The following COMMD2 variants were observed in gnomAD, a reference collection of about 807,000 sequenced individuals.
The protein encoded by COMMD2 is COMM domain containing 2.
COMMD2 carries 25 observed loss-of-function variants against 22.5 expected under a neutral mutation model. The observed-to-expected ratio is 1.11, with a 90% CI of 0.81 to 1.55. The LOEUF is 1.55. Ranked by LOEUF, COMMD2 falls within the 40% of genes most tolerant of loss-of-function variation. The pLI, the probability that COMMD2 is intolerant of heterozygous loss-of-function variation, is 0.00. For missense variants in COMMD2, 223 were observed against 232.9 expected (o/e 0.96, Z 0.28); for synonymous variants, 98 against 91.2 (o/e 1.07, Z -0.42).
rs1716189796 is a variant in COMMD2 at position 149,740,792 on chromosome 3, T to C, written c.*729A>G. On this transcript the variant is annotated 3_prime_UTR_variant, in exon 5 of 5. Coordinates refer to ENST00000473414, the MANE Select transcript of COMMD2 (RefSeq NM_016094.4). The stretch of plus-strand genomic sequence containing the variant: ...TATTTTCAAATTTGATCAATAAAGA[T>C]GAAAATAATAAAATTAAGCAGTCAA... 6.6e-6 allele frequency: 1 copy of C among 152,294 alleles called. No homozygotes were observed. Among genetic ancestry groups the C allele is most frequent in the Non-Finnish European group, 1.5e-5 (1 of 67,996 alleles). 9.4% of individuals were successfully genotyped at this position (152,294 alleles called of 1,614,324 possible). A position where few individuals can be genotyped will look rare whatever the true frequency, so the allele number is the denominator to read the frequency against.
intron 2 of COMMD2, 63 bp downstream of exon 2, chr3:149,752,147 G>A: frequency 7.4e-7 from 1 of 1,347,906 alleles, no homozygotes; most frequent in African/African-American, 1.4e-5. Context: ...TCTCTCCCGG[G>A]AGACAGGGAA....
chr3:149,750,930 A>G (rs887723448), intron 3 of COMMD2, 79 bp from the exon 4 acceptor site: 4 of 906,690 alleles, frequency 4.4e-6, no homozygotes, highest in Non-Finnish European at 6.5e-6. Context: ...AAAGAATATG[A>G]TATCCTCTAA....
rs368625327 is a variant in COMMD2, at chr3:149,751,378, C to T, written c.228+25G>A. The T allele has an allele frequency of 3.7e-6, 6 of 1,613,824 alleles. No individual in the cohort carries two copies. In the African/African-American group the frequency reaches 8.0e-5, roughly 22 times the overall value. ...ACCGTTCTTAAGAATCCAGCCAACA[C>T]AAAACAGTCCAGAAAATCCCTTACC... is the stretch of plus-strand genomic sequence containing the variant. On this transcript the variant is annotated intron_variant, in intron 3 of 4. Transcript: ENST00000473414.
rs1421942175 is a variant in COMMD2 at position 149,750,861 on chromosome 3, T to C, written c.229-10A>G. On this transcript the variant is annotated splice_polypyrimidine_tract_variant and intron_variant, in intron 3 of 4. Transcript: ENST00000473414. ...AATCCAGTTCAGAAATCTAAGTGAATTGAGTTTAAAAGAACATCAAAATTT... is the reference window on the plus strand; with the variant it reads ...AATCCAGTTCAGAAATCTAAGTGAACTGAGTTTAAAAGAACATCAAAATTT... 3.9e-6 allele frequency: 6 copies of C among 1,538,470 alleles called. No individual in the cohort carries two copies. Among genetic ancestry groups the C allele is most frequent in the African/African-American group, 2.8e-5 (2 of 72,486 alleles).
Position 149,752,461 on chromosome 3 carries a change from T to C in COMMD2, c.-17A>G, listed in dbSNP as rs138597206. 4,428 of 1,608,924 alleles carry C rather than the reference T, an allele frequency of 2.8e-3. 47 individuals carry two copies. In the African/African-American group the frequency reaches 0.031, roughly 11 times the overall value. On this transcript the variant is annotated 5_prime_UTR_variant, in exon 1 of 5. Transcript: ENST00000473414. ...CAGCAGCATCTTCACTGTCCTACGA[T>C]TTCACCCGGCAGCGCCGACCCCGCC...
chr3:149,751,453 G>C lies in COMMD2; in HGVS notation c.178C>G (p.His60Asp). 1.2e-6 allele frequency: 2 copies of C among 1,610,448 alleles called. No homozygotes were observed. The highest frequency in any genetic ancestry group is 1.7e-6 in the Non-Finnish European group (2 of 1,179,144). Reference sequence around the variant, plus strand: ...AGATACGTTAATCCTTCCACACCATGCTGGACAGTGTCACTACTCACATTG... The same window carrying C: ...AGATACGTTAATCCTTCCACACCATCCTGGACAGTGTCACTACTCACATTG... ...KLNVSSDTVQ[H>D]GVEGLTYLLT... Residue 60 changes from histidine to aspartate, a missense_variant, in exon 3 of 5, where the codon CAT (histidine) becomes GAT (aspartate). Physicochemically the swap from His to Asp is moderately conservative, Grantham distance 81. Transcript: ENST00000473414.
chr3:149,749,397 C>T (rs1361920515), intron 4 of COMMD2, among the ~76,000 whole-genome samples: 1 of 152,196 alleles, frequency 6.6e-6, no homozygotes, highest in African/African-American at 2.4e-5. Context: ...ACATTACCTC[C>T]ATTTGAATCA....
intron 4 of COMMD2, among the ~76,000 whole-genome samples, chr3:149,746,774 T>G (rs955235343): frequency 2.0e-5 from 3 of 152,116 alleles, no homozygotes; most frequent in African/African-American, 7.2e-5. Flanking sequence ...ACAGCGAGAC[T>G]CTGTCTCAAA....
In COMMD2 at chr3:149,741,640, T is replaced by A. The variant is rs781583579; in HGVS notation, c.481A>T (p.Asn161Tyr). ...KLHLNQNGDH[N>Y]TKVLQTDPAT... ...GGGTCTGTCTGCAGAACTTTGGTGTTGTGATCTCCATTTTGATTAAGGTGT... is the reference window on the plus strand; with the variant it reads ...GGGTCTGTCTGCAGAACTTTGGTGTAGTGATCTCCATTTTGATTAAGGTGT... Residue 161 changes from asparagine to tyrosine, a missense_variant, in exon 5 of 5, where the codon AAC becomes TAC. Physicochemically the swap from Asn to Tyr is moderately radical, Grantham distance 143. Transcript: ENST00000473414. 5 of 1,614,028 alleles carry A rather than the reference T, an allele frequency of 3.1e-6. No individual in the cohort carries two copies. Among genetic ancestry groups the A allele is most frequent in the Non-Finnish European group, 4.2e-6 (5 of 1,179,980 alleles).
intron 4 of COMMD2, among the ~76,000 whole-genome samples, chr3:149,743,063 T>C (rs577584700): frequency 2.6e-5 from 4 of 152,228 alleles, no homozygotes; most frequent in African/African-American, 9.6e-5. Flanking sequence ...TGGTTACAAT[T>C]GGGTACAGGT....
chr3:149,748,350 A>C (rs1439048173), intron 4 of COMMD2, among the ~76,000 whole-genome samples: 1 of 152,214 alleles, frequency 6.6e-6, no homozygotes. Context: ...ACACCTAAGC[A>C]TGTGGAGCAT....
chr3:149,750,919 A>G lies in COMMD2; in HGVS notation c.229-68T>C, dbSNP rs1428853255. ...TCTAGCTAAAATAATTGAAATACAC[A>G]AAAGAATATGATATCCTCTAATTTA... On this transcript the variant is annotated intron_variant, in intron 3 of 4. Coordinates refer to ENST00000473414, the MANE Select transcript of COMMD2 (RefSeq NM_016094.4). 3.9e-6 allele frequency: 4 copies of G among 1,030,638 alleles called. No homozygotes were observed. The African/African-American group carries it at 6.5e-5, about 17-fold the overall frequency. 63.8% of individuals were successfully genotyped at this position (1,030,638 alleles called of 1,614,324 possible). A position where few individuals can be genotyped will look rare whatever the true frequency, so the allele number is the denominator to read the frequency against.
At chr3:149,748,521 G>A (rs1400529891) in intron 4 of COMMD2, among the ~76,000 whole-genome samples, 1 of 152,214 alleles carries the variant, frequency 6.6e-6, no homozygotes, top group Non-Finnish European at 1.5e-5. Flanking sequence ...GCCACGAAAA[G>A]AAAACACAAA....
chr3:149,744,343 T>C (rs914677650), intron 4 of COMMD2, among the ~76,000 whole-genome samples: 2 of 152,212 alleles, frequency 1.3e-5, no homozygotes, highest in Non-Finnish European at 2.9e-5. Context: ...AATTCAGTTC[T>C]CTATTTAGCC....
intron 4 of COMMD2, among the ~76,000 whole-genome samples, chr3:149,747,615 TACAA>T (rs1382516279): frequency 1.3e-5 from 2 of 152,216 alleles, no homozygotes; most frequent in East Asian, 1.9e-4. Flanking sequence ...AGAGAGAATA[TACAA>T]ACAGAGAGAC....
chr3:149,752,302 A>G lies in COMMD2; in HGVS notation c.68-15T>C. The G allele has an allele frequency of 1.2e-6, 2 of 1,614,134 alleles. No individual in the cohort carries two copies. Among genetic ancestry groups the G allele is most frequent in the Non-Finnish European group, 1.7e-6 (2 of 1,179,944 alleles). On this transcript the variant is annotated splice_polypyrimidine_tract_variant and intron_variant, in intron 1 of 4. Transcript: ENST00000473414. ...CTCGGCGACCACTGCAATGAAAGTC[A>G]GAAGGCTGTTGAGTGCCAGGCGCTG...
At chr3:149,742,144 CAGA>C (rs973967726) in intron 4 of COMMD2, among the ~76,000 whole-genome samples, 10 of 152,138 alleles carry the variant, frequency 6.6e-5, no homozygotes, top group African/African-American at 2.2e-4. Flanking sequence ...TAAAAATATA[CAGA>C]AGGTCTAAAT....
intron 3 of COMMD2, 133 bp from the exon 4 acceptor site, chr3:149,750,984 C>T (rs931011114): frequency 1.4e-5 from 8 of 591,596 alleles, no homozygotes; most frequent in Admixed American, 3.7e-5. Context: ...TAACCACTGA[C>T]CACCATTCCA....
At chr3:149,747,343 A>G (rs1165946173) in intron 4 of COMMD2, among the ~76,000 whole-genome samples, 1 of 152,254 alleles carries the variant, frequency 6.6e-6, no homozygotes, top group Non-Finnish European at 1.5e-5. Flanking sequence ...CCTTTGGGGC[A>G]TCCCAATGTT....
Sources: gnomAD v4.1 joint callset for allele counts (sites outside exome capture counted in the v4.1 genomes callset) on GRCh38, gnomAD v4.1.1 for gene constraint, MANE v1.5 for transcripts, NCBI Gene and HGNC (gene_info 2026-07-23, HGNC 2026-07-21) for gene names.